The following AEBP2 variants were observed in gnomAD, a reference collection of about 807,000 sequenced individuals.
AEBP2 encodes the protein zinc finger protein AEBP2.
Under a neutral mutation model 50.8 loss-of-function variants are expected in AEBP2, and 10 were observed. That is an observed-to-expected ratio of 0.20 (90% confidence interval 0.12 to 0.33). AEBP2 has a LOEUF of 0.33. Among genes scored for constraint, AEBP2 ranks in the 10% least tolerant of loss-of-function variants. The pLI is 1.00. For synonymous variants in AEBP2, 296 were observed against 261.3 expected (o/e 1.13, Z -1.28); for missense variants, 570 against 688.0 (o/e 0.83, Z 1.92).
At chr12:19,440,814 A>G (rs1023390785) in intron 1 of AEBP2, 50 of 1,497,582 alleles carry the variant, frequency 3.3e-5, no homozygotes, top group Non-Finnish European at 3.9e-5. Flanking sequence ...GCCTGGATTT[A>G]ACAGAACTTC....
chr12:19,469,644 T>C (rs1328338180), intron 2 of AEBP2, among the ~76,000 whole-genome samples: 2 of 152,196 alleles, frequency 1.3e-5, no homozygotes, highest in African/African-American at 2.4e-5. Context: ...AGTTGGGATC[T>C]TGCTTTGTTG....
intron 1 of AEBP2, among the ~76,000 whole-genome samples, chr12:19,461,289 G>A (rs1235077460): frequency 6.6e-6 from 1 of 152,014 alleles, no homozygotes; most frequent in Non-Finnish European, 1.5e-5. Flanking sequence ...TTTATTTATT[G>A]AGAAGATTTT....
intron 3 of AEBP2, among the ~76,000 whole-genome samples, chr12:19,477,891 G>C (rs974483103): frequency 6.6e-6 from 1 of 152,192 alleles, no homozygotes; most frequent in African/African-American, 2.4e-5. Flanking sequence ...ATAGAGTTCA[G>C]CTGTGAATCC....
intron 1 of AEBP2, among the ~76,000 whole-genome samples, chr12:19,424,745 C>T (rs1041444694): frequency 6.6e-6 from 1 of 152,060 alleles, no homozygotes; most frequent in Non-Finnish European, 1.5e-5. Context: ...TGGTGGCTCA[C>T]ACCTACAATC....
At chr12:19,428,568 T>C (rs1276931044) in intron 1 of AEBP2, among the ~76,000 whole-genome samples, 2 of 152,100 alleles carry the variant, frequency 1.3e-5, no homozygotes, top group East Asian at 1.9e-4. Context: ...TTCCAGCACT[T>C]TGGGAGACTG....
intron 3 of AEBP2, among the ~76,000 whole-genome samples, chr12:19,492,404 C>T (rs752697406): frequency 5.9e-5 from 9 of 152,014 alleles, no homozygotes; most frequent in East Asian, 3.9e-4. Flanking sequence ...TCAGGTGACT[C>T]GGGTAGTTAA....
chr12:19,462,116 A>T (rs1948389811), intron 1 of AEBP2, among the ~76,000 whole-genome samples: 1 of 152,162 alleles, frequency 6.6e-6, no homozygotes, highest in African/African-American at 2.4e-5. Flanking sequence ...CTATAAAGAT[A>T]ATGCTTTGAT....
At position 19,503,290 on chromosome 12, in the gene AEBP2, G is replaced by A. The variant is rs150281798; in HGVS notation, c.1299+3069G>A. ...TTAGCAGCCTTTTGTAGTTCTCCTT[G>A]TAGAGATTGTTTACCTCCTTGGTTA... On this transcript the variant is annotated intron_variant, in intron 5 of 7. Transcript: ENST00000266508. 2.1e-3 allele frequency among the ~76,000 whole-genome samples: 319 copies of A among 151,848 alleles called. 1 individual carries two copies. Among genetic ancestry groups the A allele is most frequent in the African/African-American group, 5.7e-3 (234 of 41,406 alleles).
intron 5 of AEBP2, among the ~76,000 whole-genome samples, chr12:19,508,481 A>AT (rs1949186451): frequency 6.6e-6 from 1 of 152,200 alleles, no homozygotes; most frequent in African/African-American, 2.4e-5. Context: ...TTGGAACTTG[A>AT]TTAAAAAAAT....
chr12:19,467,601 G>A (rs188406767), intron 2 of AEBP2, among the ~76,000 whole-genome samples: 3 of 152,072 alleles, frequency 2.0e-5, no homozygotes, highest in Admixed American at 2.0e-4. Flanking sequence ...GCCTAGGTCC[G>A]TACGTCTATG....
upstream of AEBP2, among the ~76,000 whole-genome samples, chr12:19,435,898 A>G (rs1439970266): frequency 6.6e-6 from 1 of 152,080 alleles, no homozygotes; most frequent in African/African-American, 2.4e-5. Flanking sequence ...ACCCCAAAGT[A>G]TGGTGCTTTG....
chr12:19,517,973 A>T, intron 7 of AEBP2, 114 bp from the exon 8 acceptor site: 1 of 953,906 alleles, frequency 1.0e-6, no homozygotes. Context: ...CATTTTTATT[A>T]TAATCTATGA....
rs1387729526 is a variant in AEBP2, at chr12:19,519,911, A to G, written c.*1794A>G. 1.3e-5 allele frequency: 2 copies of G among 152,470 alleles called. No homozygotes were observed. Among genetic ancestry groups the G allele is most frequent in the African/African-American group, 4.8e-5 (2 of 41,464 alleles). 9.4% of individuals were successfully genotyped at this position (152,470 alleles called of 1,614,324 possible). Reference sequence around the variant, plus strand: ...TCTGGAATGGTTGTTTAATAAGGGTATTATCCATTTGATCTATAGCAATGT... The same window carrying G: ...TCTGGAATGGTTGTTTAATAAGGGTGTTATCCATTTGATCTATAGCAATGT... On this transcript the variant is annotated 3_prime_UTR_variant, in exon 8 of 8. Transcript: ENST00000266508.
At chr12:19,488,449 C>T (rs1426064178) in intron 3 of AEBP2, among the ~76,000 whole-genome samples, 1 of 151,910 alleles carries the variant, frequency 6.6e-6, no homozygotes, top group Non-Finnish European at 1.5e-5. Context: ...TGTTTGTGGT[C>T]ATGGTCAGTG....
chr12:19,456,007 CAAGTT>C (rs987555577), intron 1 of AEBP2, among the ~76,000 whole-genome samples: 1 of 151,382 alleles, frequency 6.6e-6, no homozygotes, highest in Admixed American at 6.6e-5. Flanking sequence ...AATTTTTAGT[CAAGTT>C]GTTTCCATTA....
chr12:19,417,554 C>T (rs568416746), intron 1 of AEBP2, among the ~76,000 whole-genome samples: 9 of 150,670 alleles, frequency 6.0e-5, no homozygotes, highest in South Asian at 4.2e-4. Flanking sequence ...ATTATAGGCA[C>T]GCACCACCAC....
intron 1 of AEBP2, among the ~76,000 whole-genome samples, chr12:19,413,814 T>C (rs765905181): frequency 2.2e-4 from 33 of 151,974 alleles, no homozygotes; most frequent in Admixed American, 1.2e-3. Flanking sequence ...GTCACTCTTG[T>C]GGCCATCTTG....
intron 3 of AEBP2, among the ~76,000 whole-genome samples, chr12:19,485,708 CAA>C (rs35033010): frequency 7.2e-5 from 9 of 124,712 alleles, no homozygotes; most frequent in Admixed American, 1.7e-4. Context: ...GACCCTGTCT[CAA>C]AAAAAAAAAA....
At chr12:19,473,194 A>G (rs149380720) in intron 2 of AEBP2, 54 bp from the exon 3 acceptor site, 5 of 842,026 alleles carry the variant, frequency 5.9e-6, no homozygotes, top group South Asian at 2.9e-5. Flanking sequence ...TGAGGAATCA[A>G]ACTCTTCTTG....
Sources: allele counts gnomAD v4.1 joint callset (sites outside exome capture counted in the v4.1 genomes callset), GRCh38; gene constraint gnomAD v4.1.1; transcripts MANE v1.5; gene names NCBI Gene and HGNC (gene_info 2026-07-23, HGNC 2026-07-21).